The following ENOX1 variants were observed in gnomAD, a reference collection of about 807,000 sequenced individuals.
The protein encoded by ENOX1 is ecto-NOX disulfide-thiol exchanger 1.
ENOX1 carries 42 observed loss-of-function variants against 82.5 expected under a neutral mutation model. That is an observed-to-expected ratio of 0.51 (90% CI 0.40 to 0.66). ENOX1 has a LOEUF of 0.66. ENOX1 is among the 30% of genes least tolerant of loss of function. The pLI is 0.00. For synonymous variants in ENOX1, 271 were observed against 282.2 expected (o/e 0.96, Z 0.40); for missense variants, 608 against 811.6 (o/e 0.75, Z 3.05).
intron 9 of ENOX1, among the ~76,000 whole-genome samples, chr13:43,333,151 A>G (rs1324537303): frequency 6.6e-6 from 1 of 152,218 alleles, no homozygotes. Context: ...CTTCCAACAT[A>G]TCTTCTGAAA....
At chr13:43,336,558 A>G (rs1171414656) in intron 9 of ENOX1, among the ~76,000 whole-genome samples, 2 of 152,220 alleles carry the variant, frequency 1.3e-5, no homozygotes, top group Admixed American at 1.3e-4. Context: ...TTCACAGTGT[A>G]GCCCAGGAGG....
chr13:43,731,627 T>C (rs147589759), intron 1 of ENOX1, among the ~76,000 whole-genome samples: 1,739 of 152,208 alleles, frequency 0.011, 23 homozygotes, highest in Non-Finnish European at 0.019. Flanking sequence ...ACATTGAAGG[T>C]GTAACTGCTT....
intron 2 of ENOX1, among the ~76,000 whole-genome samples, chr13:43,634,034 TTG>T (rs1246702970): frequency 6.6e-6 from 1 of 152,160 alleles, no homozygotes; most frequent in Non-Finnish European, 1.5e-5. Flanking sequence ...GATCACCACT[TTG>T]TGTGTCTGTA....
At chr13:43,536,612 A>T (rs1436781334) in intron 2 of ENOX1, among the ~76,000 whole-genome samples, 2 of 152,186 alleles carry the variant, frequency 1.3e-5, no homozygotes, top group Admixed American at 6.5e-5. Context: ...AAAAATATAC[A>T]TTCCAAACCA....
chr13:43,490,422 A>T (rs2076580416), intron 2 of ENOX1, among the ~76,000 whole-genome samples: 2 of 152,150 alleles, frequency 1.3e-5, no homozygotes, highest in Admixed American at 6.5e-5. Context: ...GGCTACTGGG[A>T]TGGAATCAAT....
At chr13:43,408,950 C>T (rs1391470852) in intron 5 of ENOX1, among the ~76,000 whole-genome samples, 1 of 147,384 alleles carries the variant, frequency 6.8e-6, no homozygotes, top group African/African-American at 2.5e-5. Context: ...AAAGAACCAA[C>T]ATTAAGAGGC....
chr13:43,557,411 TTC>T (rs949328701), intron 2 of ENOX1, among the ~76,000 whole-genome samples: 1 of 152,088 alleles, frequency 6.6e-6, no homozygotes, highest in Non-Finnish European at 1.5e-5. Flanking sequence ...GGGAGGATGG[TTC>T]TTTTAGCAGA....
intron 9 of ENOX1, among the ~76,000 whole-genome samples, chr13:43,340,646 C>T (rs2048996952): frequency 6.6e-6 from 1 of 152,132 alleles, no homozygotes; most frequent in African/African-American, 2.4e-5. Context: ...TGGCAATTTC[C>T]AATAAAAAGT....
At chr13:43,481,132 C>G (rs1238102312) in intron 3 of ENOX1, among the ~76,000 whole-genome samples, 1 of 151,982 alleles carries the variant, frequency 6.6e-6, no homozygotes, top group African/African-American at 2.4e-5. Flanking sequence ...ACTAGCAAAC[C>G]AAATTCAACA....
intron 1 of ENOX1, among the ~76,000 whole-genome samples, chr13:43,769,639 A>G (rs1191786993): frequency 6.6e-6 from 1 of 152,202 alleles, no homozygotes; most frequent in Non-Finnish European, 1.5e-5. Context: ...GGGGCTCCCA[A>G]ATAGTCTATC....
intron 1 of ENOX1, among the ~76,000 whole-genome samples, chr13:43,686,561 C>T (rs1188057532): frequency 6.6e-6 from 1 of 152,112 alleles, no homozygotes; most frequent in Non-Finnish European, 1.5e-5. Flanking sequence ...GAATGTTGAC[C>T]CACAAAGACC....
intron 6 of ENOX1, among the ~76,000 whole-genome samples, chr13:43,360,632 A>G (rs1202447200): frequency 1.3e-5 from 2 of 151,896 alleles, no homozygotes; most frequent in Non-Finnish European, 2.9e-5. Context: ...ACAATATTTT[A>G]CCTAGTTTAT....
intron 1 of ENOX1, among the ~76,000 whole-genome samples, chr13:43,757,305 G>T (rs1393940383): frequency 6.6e-6 from 1 of 152,178 alleles, no homozygotes; most frequent in African/African-American, 2.4e-5. Flanking sequence ...GATTGGCTTT[G>T]TGACTTGCTT....
At chr13:43,708,770 A>G (rs1184765231) in intron 1 of ENOX1, among the ~76,000 whole-genome samples, 1 of 152,240 alleles carries the variant, frequency 6.6e-6, no homozygotes, top group Non-Finnish European at 1.5e-5. Flanking sequence ...AGCTACATAT[A>G]AAAACTAAAA....
intron 2 of ENOX1, among the ~76,000 whole-genome samples, chr13:43,493,006 G>A (rs1398966150): frequency 1.3e-5 from 2 of 152,136 alleles, no homozygotes; most frequent in African/African-American, 4.8e-5. Flanking sequence ...AGGGAATTCT[G>A]CCTCCAGACT....
At chr13:43,375,113 A>G (rs1169195769) in intron 5 of ENOX1, among the ~76,000 whole-genome samples, 1 of 152,084 alleles carries the variant, frequency 6.6e-6, no homozygotes, top group Admixed American at 6.5e-5. Context: ...ATTTTTTCCT[A>G]TTTTGGTGGC....
chr13:43,710,580 T>A (rs1349242434), intron 1 of ENOX1, among the ~76,000 whole-genome samples: 1 of 151,484 alleles, frequency 6.6e-6, no homozygotes, highest in Non-Finnish European at 1.5e-5. Context: ...CAAAAAGAAA[T>A]CAGAAGGATA....
chr13:43,444,084 C>G (rs1355310162), intron 3 of ENOX1, among the ~76,000 whole-genome samples: 2 of 152,152 alleles, frequency 1.3e-5, no homozygotes, highest in Admixed American at 1.3e-4. Flanking sequence ...AGAATTAGCA[C>G]TGTAGGCCTG....
chr13:43,622,599 C>A (rs2082785613), intron 2 of ENOX1, among the ~76,000 whole-genome samples: 1 of 152,160 alleles, frequency 6.6e-6, no homozygotes, highest in African/African-American at 2.4e-5. Context: ...TGATGTGAAC[C>A]ATCTATGGGT....
Sources: gnomAD v4.1 joint callset for allele counts (sites outside exome capture counted in the v4.1 genomes callset) on GRCh38, gnomAD v4.1.1 for gene constraint, MANE v1.5 for transcripts, NCBI Gene and HGNC (gene_info 2026-07-23, HGNC 2026-07-21) for gene names.